Variants in MTHFD2L observed in about 807,000 individuals in gnomAD.
MTHFD2L encodes bifunctional methylenetetrahydrofolate dehydrogenase/cyclohydrolase 2, mitochondrial.
MTHFD2L carries 29 observed loss-of-function variants against 34.9 expected under a neutral mutation model. The ratio of observed to expected loss-of-function variants is 0.83; its 90% CI spans 0.62 to 1.13. The LOEUF is 1.13. MTHFD2L is among the 50% of genes most tolerant of loss of function. MTHFD2L has a pLI of 0.00. For synonymous variants in MTHFD2L, 167 were observed against 155.7 expected (o/e 1.07, Z -0.54); for missense variants, 481 against 446.5 (o/e 1.08, Z -0.70).
At chr4:74,281,693 C>A in intron 7 of MTHFD2L, 143 bp downstream of exon 7, 1 of 814,702 alleles carries the variant, frequency 1.2e-6, no homozygotes, top group Non-Finnish European at 1.8e-6. Flanking sequence ...AGATTTTAAT[C>A]AGACTTAAAT....
chr4:74,119,651 C>T (rs1405187342), upstream of MTHFD2L, among the ~76,000 whole-genome samples: 3 of 151,924 alleles, frequency 2.0e-5, no homozygotes, highest in Admixed American at 6.6e-5. Flanking sequence ...GGCATGGTGG[C>T]GGGTGTCTGT....
intron 2 of MTHFD2L, among the ~76,000 whole-genome samples, chr4:74,116,792 G>T (rs1721662045): frequency 6.6e-6 from 1 of 152,174 alleles, no homozygotes; most frequent in Non-Finnish European, 1.5e-5. Flanking sequence ...GTTTTCCTTG[G>T]CTTTGGTTCA....
At chr4:74,134,457 C>T (rs1040921641) in intron 1 of MTHFD2L, among the ~76,000 whole-genome samples, 5 of 152,084 alleles carry the variant, frequency 3.3e-5, no homozygotes, top group Non-Finnish European at 5.9e-5. Context: ...GAGCCGAAAA[C>T]AAGGCAGCAA....
At chr4:74,261,238 A>G (rs1488994472) in intron 6 of MTHFD2L, among the ~76,000 whole-genome samples, 1 of 152,080 alleles carries the variant, frequency 6.6e-6, no homozygotes, top group African/African-American at 2.4e-5. Context: ...AAAGCTCAAG[A>G]TAATCAACTG....
intron 1 of MTHFD2L, among the ~76,000 whole-genome samples, chr4:74,146,382 T>C (rs1723595691): frequency 6.6e-6 from 1 of 152,174 alleles, no homozygotes; most frequent in African/African-American, 2.4e-5. Flanking sequence ...AAAATAAAAT[T>C]CACCATCATA....
At chr4:74,253,426 T>C (rs1302534901) in intron 6 of MTHFD2L, among the ~76,000 whole-genome samples, 3 of 152,130 alleles carry the variant, frequency 2.0e-5, no homozygotes, top group African/African-American at 7.2e-5. Flanking sequence ...GTGGGTAAGA[T>C]GTTATAGCAC....
chr4:74,237,230 C>T (rs1740979645), intron 6 of MTHFD2L, among the ~76,000 whole-genome samples: 1 of 152,150 alleles, frequency 6.6e-6, no homozygotes, highest in African/African-American at 2.4e-5. Flanking sequence ...ATCCACTGTT[C>T]TGTGACCTCC....
chr4:74,280,960 ATTCT>A lies in MTHFD2L; in HGVS notation c.806-457_806-454del, dbSNP rs942006330. Among the ~76,000 whole-genome samples, 8 of 151,780 alleles carry A rather than the reference ATTCT, an allele frequency of 5.3e-5. No homozygotes were observed. The South Asian group carries it at 1.0e-3, about 20-fold the overall frequency. On this transcript the variant is annotated intron_variant, in intron 6 of 7. Transcript: ENST00000325278. Reference sequence around the variant, plus strand: ...GGGAATATGAATTATTATTATCTTCATTCTTTCTTTCCCCCTCCCTTCCTTTCTA... The same window carrying A: ...GGGAATATGAATTATTATTATCTTCATTCTTTCCCCCTCCCTTCCTTTCTA...
At chr4:74,197,015 G>A (rs1443345755) in intron 3 of MTHFD2L, among the ~76,000 whole-genome samples, 5 of 151,200 alleles carry the variant, frequency 3.3e-5, no homozygotes, top group Middle Eastern at 6.9e-3. Flanking sequence ...GTGTCCTAAA[G>A]GCATTATCTG....
Position 74,225,371 on chromosome 4 carries a change from C to A in MTHFD2L, c.782C>A (p.Ala261Glu). 6.2e-7 allele frequency: 1 copy of A among 1,612,924 alleles called. No homozygotes were observed. The highest frequency in any genetic ancestry group is 8.5e-7 in the Non-Finnish European group (1 of 1,179,180). ...KEQLKIHTQL[A>E]DIIIVAAGIP... The stretch of plus-strand genomic sequence containing the variant: ...CAACTGAAGATTCATACGCAGCTGG[C>A]AGATATTATCATAGTTGCTGCAGGT... The change falls in exon 6 of 8, where the codon GCA (alanine) becomes GAA (glutamate). Residue 261 changes from alanine (A) to glutamate (E), a missense_variant. Ala to Glu is a moderately radical substitution (Grantham distance 107, BLOSUM62 -1). Coordinates refer to ENST00000325278, the MANE Select transcript of MTHFD2L (RefSeq NM_001144978.3).
chr4:74,217,439 C>G (rs1253389489), intron 5 of MTHFD2L, among the ~76,000 whole-genome samples: 1 of 151,864 alleles, frequency 6.6e-6, no homozygotes, highest in East Asian at 1.9e-4. Context: ...AAAGAGATCT[C>G]AGGCTTCTTT....
intron 6 of MTHFD2L, among the ~76,000 whole-genome samples, chr4:74,276,320 C>T (rs545376462): frequency 1.2e-4 from 19 of 152,154 alleles, no homozygotes; most frequent in African/African-American, 4.6e-4. Flanking sequence ...TAGATGAGGA[C>T]AGCTGAATAA....
intron 5 of MTHFD2L, among the ~76,000 whole-genome samples, chr4:74,206,977 T>C (rs1735440801): frequency 6.6e-6 from 1 of 152,126 alleles, no homozygotes. Flanking sequence ...CACGGCTCAC[T>C]GCAGCCTCAA....
chr4:74,156,717 C>T (rs1001279645), upstream of MTHFD2L: 27 of 152,100 alleles, frequency 1.8e-4, no homozygotes, highest in African/African-American at 5.8e-4. Flanking sequence ...GCCAGCATTT[C>T]GTATTATCAA....
chr4:74,289,679 G>A (rs939529703), intron 7 of MTHFD2L, among the ~76,000 whole-genome samples: 2 of 152,152 alleles, frequency 1.3e-5, no homozygotes, highest in African/African-American at 2.4e-5. Context: ...CTGATGGGGC[G>A]TGGACCAGGT....
At chr4:74,283,387 A>C (rs1327911123) in intron 7 of MTHFD2L, among the ~76,000 whole-genome samples, 2 of 152,104 alleles carry the variant, frequency 1.3e-5, no homozygotes, top group Admixed American at 1.3e-4. Context: ...TTCATGTCAC[A>C]TGAAGTCTAA....
upstream of MTHFD2L, among the ~76,000 whole-genome samples, chr4:74,156,128 A>G (rs1172033991): frequency 1.3e-5 from 2 of 152,040 alleles, 1 homozygote; most frequent in Non-Finnish European, 2.9e-5. Context: ...TCCTGTTGTA[A>G]AGTTCTGTAG....
chr4:74,244,432 A>T (rs931316641), intron 6 of MTHFD2L, among the ~76,000 whole-genome samples: 5 of 152,340 alleles, frequency 3.3e-5, no homozygotes, highest in Middle Eastern at 3.4e-3. Context: ...GTGAATTTAT[A>T]CTAGCCCTCT....
rs910948370 is a variant in MTHFD2L at position 74,175,172 on chromosome 4, A to G, written c.329-109A>G. Reference sequence around the variant, plus strand: ...AATCCTTCCTGATGATGCATGGAACATCAGAACCTTTCACGGCAGTAGGAA... The same window carrying G: ...AATCCTTCCTGATGATGCATGGAACGTCAGAACCTTTCACGGCAGTAGGAA... On this transcript the variant is annotated intron_variant, in intron 2 of 7. Transcript: ENST00000325278. 6 of 1,189,476 alleles carry G rather than the reference A, an allele frequency of 5.0e-6. No homozygotes were observed. In the African/African-American group the frequency reaches 9.3e-5, roughly 18 times the overall value. 73.7% of individuals were successfully genotyped at this position (1,189,476 alleles called of 1,614,324 possible).
Sources: gnomAD v4.1 joint callset for allele counts (sites outside exome capture counted in the v4.1 genomes callset) on GRCh38, gnomAD v4.1.1 for gene constraint, MANE v1.5 for transcripts, NCBI Gene and HGNC (gene_info 2026-07-23, HGNC 2026-07-21) for gene names.